Variants in RBFOX1 observed in about 807,000 individuals in gnomAD.
The protein encoded by RBFOX1 is RNA binding fox-1 homolog 1.
In RBFOX1, 8 loss-of-function variants were observed where a neutral mutation model predicts 57.7. That is an observed-to-expected ratio of 0.14 (90% CI 0.08 to 0.25). The LOEUF (loss-of-function observed/expected upper bound fraction) is 0.25. RBFOX1 is among the 10% of genes least tolerant of loss of function. The pLI, the probability that RBFOX1 is intolerant of heterozygous loss-of-function variation, is 1.00. For missense variants in RBFOX1, 611 were observed against 548.5 expected, an observed-to-expected ratio of 1.11 and a Z score of -1.14; for synonymous variants, 326 against 222.4, an observed-to-expected ratio of 1.47 and a Z score of -4.15.
intron 2 of RBFOX1, among the ~76,000 whole-genome samples, chr16:6,473,293 T>C (rs2095219362): frequency 6.6e-6 from 1 of 152,142 alleles, no homozygotes; most frequent in South Asian, 2.1e-4. Flanking sequence ...ATTTTTGTAG[T>C]TCTGTAGTAC....
At chr16:6,847,040 A>G (rs557986893) in intron 3 of RBFOX1, among the ~76,000 whole-genome samples, 8 of 152,132 alleles carry the variant, frequency 5.3e-5, no homozygotes, top group Admixed American at 2.0e-4. Flanking sequence ...GCTGCAAAAT[A>G]GATTCATTTC....
chr16:6,268,711 G>T (rs190691141), intron 1 of RBFOX1, among the ~76,000 whole-genome samples: 2 of 152,304 alleles, frequency 1.3e-5, no homozygotes, highest in East Asian at 3.9e-4. Flanking sequence ...TGTTCTTAGG[G>T]ATCTTACAGT....
At chr16:5,330,125 C>T (rs1225211124) in intron 1 of RBFOX1, among the ~76,000 whole-genome samples, 1 of 152,114 alleles carries the variant, frequency 6.6e-6, no homozygotes, top group Non-Finnish European at 1.5e-5. Flanking sequence ...CTAATTATTT[C>T]CTAGGGGCCA....
chr16:6,758,809 T>G (rs943626867), intron 3 of RBFOX1, among the ~76,000 whole-genome samples: 1 of 152,184 alleles, frequency 6.6e-6, no homozygotes, highest in Non-Finnish European at 1.5e-5. Flanking sequence ...CTCTTAGAAA[T>G]TTCTTAAAAA....
At chr16:7,046,354 C>T (rs1042798195) in intron 3 of RBFOX1, among the ~76,000 whole-genome samples, 10 of 152,002 alleles carry the variant, frequency 6.6e-5, no homozygotes, top group South Asian at 2.1e-4. Flanking sequence ...GATTATCACA[C>T]ACATATTTCT....
intron 1 of RBFOX1, among the ~76,000 whole-genome samples, chr16:6,192,101 C>G (rs1033258088): frequency 2.6e-5 from 4 of 152,202 alleles, no homozygotes; most frequent in Admixed American, 6.5e-5. Flanking sequence ...CTCCTGCTAC[C>G]TCCTGCTCTC....
At chr16:5,345,263 T>G (rs997337641) in intron 1 of RBFOX1, among the ~76,000 whole-genome samples, 2 of 152,204 alleles carry the variant, frequency 1.3e-5, no homozygotes, top group African/African-American at 4.8e-5. Flanking sequence ...AGGCCTCTTG[T>G]CCAAGTCATG....
rs771923351 is a variant in RBFOX1 at position 7,404,722 on chromosome 16, AAAC to A, written c.28-113422_28-113420del. On this transcript the variant is annotated intron_variant, in intron 4 of 15. Transcript: ENST00000550418. ...TTTCAGAAAAAACAAACAAACAAAC[AAAC>A]AAAACCGAATGCACTTTTTAATTAT... is the stretch of plus-strand genomic sequence containing the variant. Among the ~76,000 whole-genome samples the A allele has an allele frequency of 9.3e-4, 141 of 152,118 alleles. No individual in the cohort carries two copies. In the Middle Eastern group the frequency reaches 0.02, roughly 22 times the overall value.
At chr16:6,372,799 G>T (rs1173767590) in intron 2 of RBFOX1, among the ~76,000 whole-genome samples, 1 of 152,030 alleles carries the variant, frequency 6.6e-6, no homozygotes, top group Non-Finnish European at 1.5e-5. Flanking sequence ...GTGGAATGGA[G>T]ATTGGGTGGA....
At chr16:7,555,229 G>C (rs1265558170) in intron 5 of RBFOX1, among the ~76,000 whole-genome samples, 1 of 152,112 alleles carries the variant, frequency 6.6e-6, no homozygotes, top group Non-Finnish European at 1.5e-5. Context: ...TTTCTCCTTT[G>C]TTAAAAGCCT....
At chr16:7,051,119 C>G (rs1568546524) in intron 3 of RBFOX1, among the ~76,000 whole-genome samples, 1 of 151,806 alleles carries the variant, frequency 6.6e-6, no homozygotes, top group Non-Finnish European at 1.5e-5. Context: ...AGTTGTTTCA[C>G]TGGTTAAAAA....
chr16:6,892,539 A>G (rs939615351), intron 3 of RBFOX1, among the ~76,000 whole-genome samples: 5 of 152,106 alleles, frequency 3.3e-5, no homozygotes, highest in South Asian at 2.1e-4. Context: ...GCATGGTGGC[A>G]CACACCTGTA....
intron 4 of RBFOX1, among the ~76,000 whole-genome samples, chr16:7,402,969 C>T (rs4786155): frequency 0.64 from 97,019 of 151,974 alleles, 31,249 homozygotes; most frequent in Admixed American, 0.72. Flanking sequence ...TGCAGTTTCT[C>T]CTCCAATCTG....
chr16:7,491,019 G>A (rs1378874676), intron 4 of RBFOX1, among the ~76,000 whole-genome samples: 1 of 152,078 alleles, frequency 6.6e-6, no homozygotes, highest in African/African-American at 2.4e-5. Context: ...GCTGTCATAG[G>A]TCTAGAAATC....
At chr16:5,648,463 G>A (rs1305989506) in intron 3 of RBFOX1, among the ~76,000 whole-genome samples, 1 of 152,122 alleles carries the variant, frequency 6.6e-6, no homozygotes, top group East Asian at 1.9e-4. Flanking sequence ...TTCAACCAAG[G>A]GTGATGTTCC....
intron 3 of RBFOX1, among the ~76,000 whole-genome samples, chr16:6,781,629 A>G (rs978915486): frequency 3.9e-5 from 6 of 152,090 alleles, no homozygotes; most frequent in Admixed American, 2.6e-4. Flanking sequence ...CATGTTTACT[A>G]TTATTTCATG....
chr16:5,368,395 T>G (rs474399), intron 1 of RBFOX1, among the ~76,000 whole-genome samples: 4 of 152,098 alleles, frequency 2.6e-5, no homozygotes, highest in Non-Finnish European at 4.4e-5. Context: ...ACCTAACCAA[T>G]GTGGGTTTTC....
intron 4 of RBFOX1, among the ~76,000 whole-genome samples, chr16:7,149,725 T>G (rs181855336): frequency 1.3e-5 from 2 of 152,130 alleles, no homozygotes; most frequent in Admixed American, 6.5e-5. Flanking sequence ...TGTGGCTCTT[T>G]CCTTCCCTCT....
chr16:6,706,503 C>T (rs1419340057), intron 3 of RBFOX1, among the ~76,000 whole-genome samples: 1 of 152,194 alleles, frequency 6.6e-6, no homozygotes, highest in Non-Finnish European at 1.5e-5. Context: ...GGCAGGATCA[C>T]TTACTTTGCA....
Sources: allele counts gnomAD v4.1 joint callset (sites outside exome capture counted in the v4.1 genomes callset), GRCh38; gene constraint gnomAD v4.1.1; transcripts MANE v1.5; gene names NCBI Gene and HGNC (gene_info 2026-07-23, HGNC 2026-07-21).